Variants in L3MBTL4 observed in about 807,000 individuals in gnomAD.
L3MBTL4 encodes L3MBTL histone methyl-lysine binding protein 4, also known as lethal(3)malignant brain tumor-like protein 4.
In L3MBTL4, 70 loss-of-function variants were observed where a neutral mutation model predicts 84.5. The observed-to-expected ratio is 0.83, with a 90% CI of 0.68 to 1.01. The LOEUF (loss-of-function observed/expected upper bound fraction) is 1.01, where lower values mean the gene tolerates loss of function less well. Ranked by LOEUF, L3MBTL4 falls within the 50% of genes least tolerant of loss-of-function variation. The probability of loss-of-function intolerance (pLI) is 0.00; values close to 1 mark genes in which losing one functional copy is unlikely to be tolerated. For synonymous variants in L3MBTL4, 274 were observed against 259.8 expected (o/e 1.05, Z -0.52); for missense variants, 715 against 754.8 (o/e 0.95, Z 0.62).
chr18:6,167,126 G>A (rs2043708304), intron 13 of L3MBTL4, among the ~76,000 whole-genome samples: 1 of 152,264 alleles, frequency 6.6e-6, no homozygotes. Flanking sequence ...GACTAAACCA[G>A]GAAGAAGTTG....
chr18:6,352,560 T>C (rs1223204585), intron 1 of L3MBTL4, among the ~76,000 whole-genome samples: 2 of 152,214 alleles, frequency 1.3e-5, no homozygotes, highest in African/African-American at 2.4e-5. Flanking sequence ...TTGTGACTAT[T>C]TGTCACTGCC....
intron 5 of L3MBTL4, among the ~76,000 whole-genome samples, chr18:6,258,498 G>A (rs574800056): frequency 2.0e-5 from 3 of 152,264 alleles, no homozygotes; most frequent in South Asian, 2.1e-4. Context: ...GAGGGAACTG[G>A]GCTGAGCTGG....
chr18:6,161,216 C>T (rs530080376), intron 13 of L3MBTL4, among the ~76,000 whole-genome samples: 1 of 152,172 alleles, frequency 6.6e-6, no homozygotes, highest in Non-Finnish European at 1.5e-5. Flanking sequence ...ATCGCGTCCT[C>T]ATGGATGAGA....
At chr18:6,067,466 C>T (rs2057439944) in intron 16 of L3MBTL4, among the ~76,000 whole-genome samples, 1 of 152,108 alleles carries the variant, frequency 6.6e-6, no homozygotes, top group African/African-American at 2.4e-5. Context: ...TACATGATCC[C>T]ATATTTCTTG....
At chr18:6,075,511 A>T (rs2057827942) in intron 16 of L3MBTL4, among the ~76,000 whole-genome samples, 2 of 152,178 alleles carry the variant, frequency 1.3e-5, no homozygotes, top group Non-Finnish European at 2.9e-5. Context: ...TCTATGTTAC[A>T]CCATGCATAA....
At chr18:6,140,992 T>C (rs1039314056) in intron 13 of L3MBTL4, among the ~76,000 whole-genome samples, 2 of 151,428 alleles carry the variant, frequency 1.3e-5, no homozygotes, top group Admixed American at 1.3e-4. Context: ...TTATGGTTTA[T>C]ATATAAGCTT....
At chr18:6,065,768 A>C (rs973698164) in intron 16 of L3MBTL4, among the ~76,000 whole-genome samples, 6 of 151,850 alleles carry the variant, frequency 4.0e-5, no homozygotes, top group African/African-American at 1.5e-4. Flanking sequence ...AATCTTACTA[A>C]TGGTCTATCA....
chr18:6,208,547 G>T (rs937885966), intron 12 of L3MBTL4, among the ~76,000 whole-genome samples: 7 of 152,098 alleles, frequency 4.6e-5, no homozygotes, highest in African/African-American at 1.4e-4. Context: ...ATTTCCCACA[G>T]GGCAAATATT....
At chr18:6,181,189 T>A (rs901734551) in intron 12 of L3MBTL4, among the ~76,000 whole-genome samples, 6 of 152,156 alleles carry the variant, frequency 3.9e-5, no homozygotes, top group Non-Finnish European at 5.9e-5. Flanking sequence ...CATTCTTTTT[T>A]AAAAACTTTT....
At chr18:6,254,138 ATAT>A (rs1170523958) in intron 5 of L3MBTL4, among the ~76,000 whole-genome samples, 1 of 152,116 alleles carries the variant, frequency 6.6e-6, no homozygotes, top group Non-Finnish European at 1.5e-5. Context: ...TTCCCCAAGG[ATAT>A]TATTATTCCC....
intron 14 of L3MBTL4, among the ~76,000 whole-genome samples, chr18:6,132,421 A>C (rs896028534): frequency 1.3e-5 from 2 of 152,102 alleles, no homozygotes; most frequent in African/African-American, 2.4e-5. Context: ...TCTAATAATG[A>C]GGTCTGGAAC....
chr18:6,113,712 G>C (rs1352629160), intron 14 of L3MBTL4, among the ~76,000 whole-genome samples: 1 of 152,110 alleles, frequency 6.6e-6, no homozygotes, highest in African/African-American at 2.4e-5. Flanking sequence ...TCCACTCCTA[G>C]GGTGCTTTTC....
At chr18:5,978,861 A>G (rs911560217) in intron 16 of L3MBTL4, among the ~76,000 whole-genome samples, 2 of 152,218 alleles carry the variant, frequency 1.3e-5, no homozygotes, top group African/African-American at 4.8e-5. Context: ...CAACCAGTCC[A>G]AAAGCCTGAG....
chr18:6,098,515 A>C (rs561665743), intron 14 of L3MBTL4, among the ~76,000 whole-genome samples: 7 of 152,330 alleles, frequency 4.6e-5, no homozygotes, highest in African/African-American at 1.7e-4. Context: ...AACATAAATA[A>C]ATAACCCAGA....
chr18:6,211,690 C>T (rs915707459), intron 12 of L3MBTL4, among the ~76,000 whole-genome samples: 9 of 151,730 alleles, frequency 5.9e-5, no homozygotes, highest in African/African-American at 1.5e-4. Context: ...GCTCTGTCGC[C>T]CAGGCTGGAG....
rs563569255 is a variant in L3MBTL4, at chr18:6,092,473, C to T, written c.1373+882G>A. On this transcript the variant is annotated intron_variant, in intron 15 of 18. Coordinates refer to ENST00000317931, the MANE Select transcript of L3MBTL4 (RefSeq NM_001330559.2). ...CACCTGCTGAATGCAAAGAGCAAGGCTCTGAGGCTTAGGAGAAGCAGTCGT... is the reference window on the plus strand; with the variant it reads ...CACCTGCTGAATGCAAAGAGCAAGGTTCTGAGGCTTAGGAGAAGCAGTCGT... Among the ~76,000 whole-genome samples the T allele has an allele frequency of 3.3e-5, 5 of 152,332 alleles. No homozygotes were observed. In the East Asian group the frequency reaches 9.7e-4, roughly 29 times the overall value.
At chr18:6,228,401 A>C (rs1446463924) in intron 10 of L3MBTL4, among the ~76,000 whole-genome samples, 2 of 152,226 alleles carry the variant, frequency 1.3e-5, no homozygotes, top group African/African-American at 2.4e-5. Context: ...ATTGGGCATC[A>C]TCAAAATTTT....
intron 1 of L3MBTL4, among the ~76,000 whole-genome samples, chr18:6,346,049 G>A (rs549492656): frequency 4.0e-4 from 59 of 148,870 alleles, no homozygotes; most frequent in Middle Eastern, 3.5e-3. Flanking sequence ...TTTTGACAAC[G>A]GCAGTGAGAA....
At chr18:6,145,590 T>G (rs1388520967) in intron 13 of L3MBTL4, among the ~76,000 whole-genome samples, 3 of 151,964 alleles carry the variant, frequency 2.0e-5, no homozygotes, top group Admixed American at 6.6e-5. Context: ...TAGCAAGTTT[T>G]TTTTTTTTTT....
Sources: gnomAD v4.1 joint callset for allele counts (sites outside exome capture counted in the v4.1 genomes callset) on GRCh38, gnomAD v4.1.1 for gene constraint, MANE v1.5 for transcripts, NCBI Gene and HGNC (gene_info 2026-07-23, HGNC 2026-07-21) for gene names.